HSD17B6: variants seen among roughly 807,000 people sequenced by gnomAD.
HSD17B6 encodes hydroxysteroid 17-beta dehydrogenase 6.
In HSD17B6, 16 loss-of-function variants were observed where a neutral mutation model predicts 26.4. That is an observed-to-expected ratio of 0.61 (90% CI 0.41 to 0.92). The LOEUF is 0.92. HSD17B6 is among the 40% of genes least tolerant of loss of function. HSD17B6 has a pLI of 0.00. For synonymous variants in HSD17B6, 139 were observed against 153.0 expected (o/e 0.91, Z 0.68); for missense variants, 357 against 386.1 (o/e 0.92, Z 0.63).
rs200066250 is a variant in HSD17B6, at chr12:56,784,857, G to A, written c.577G>A (p.Glu193Lys). 5.0e-5 allele frequency: 80 copies of A among 1,612,974 alleles called. No individual in the cohort carries two copies. The highest frequency in any genetic ancestry group is 6.5e-5 in the Non-Finnish European group (77 of 1,179,780). The change falls in exon 4 of 5, where the codon GAG (glutamate) becomes AAG (lysine). Residue 193 changes from glutamate to lysine, a missense_variant. Physicochemically the swap from Glu to Lys is moderately conservative, Grantham distance 56. Transcript: ENST00000322165. ...VEAFSDILRR[E>K]IQHFGVKISI... ...ACTTGTGGGGTTTTATTTCAGGCGT[G>A]AGATTCAACATTTTGGGGTGAAAAT...
At position 56,787,540 on chromosome 12, in the gene HSD17B6, C is replaced by T. The variant is rs1222205188; in HGVS notation, c.*198C>T. 27 of 569,250 alleles carry T rather than the reference C, an allele frequency of 4.7e-5. No homozygotes were observed. In the Admixed American group the frequency reaches 8.7e-4, roughly 18 times the overall value. The allele number at this position is 569,250 out of a possible 1,614,324, so 35.3% of individuals were successfully genotyped here. A position where few individuals can be genotyped will look rare whatever the true frequency, so the allele number is the denominator to read the frequency against. ...TACCACTTTAGGTGATGAATCTTTA[C>T]TATTTTAGCCCTTTTTTGATGAGAC... is the stretch of plus-strand genomic sequence containing the variant. On this transcript the variant is annotated 3_prime_UTR_variant, in exon 5 of 5. Coordinates refer to ENST00000322165, the MANE Select transcript of HSD17B6 (RefSeq NM_003725.4).
intron 4 of HSD17B6, chr12:56,785,935 A>G: frequency 1.0e-6 from 1 of 985,212 alleles, no homozygotes; most frequent in Non-Finnish European, 1.2e-6. Context: ...GGATTTGTCA[A>G]TTTCCTATAA....
intron 4 of HSD17B6, among the ~76,000 whole-genome samples, chr12:56,785,660 G>A (rs1954859493): frequency 6.6e-6 from 1 of 152,246 alleles, no homozygotes; most frequent in Non-Finnish European, 1.5e-5. Flanking sequence ...TACATACTTA[G>A]AGGCATGGAC....
chr12:56,780,840 CAAAAAAAAAAA>C (rs59227954), intron 2 of HSD17B6, among the ~76,000 whole-genome samples: 1 of 64,126 alleles, frequency 1.6e-5, no homozygotes, highest in African/African-American at 5.8e-5. Flanking sequence ...GACTCCGTCT[CAAAAAAAAAAA>C]AAAAAAAAAA....
chr12:56,773,744 C>A, intron 1 of HSD17B6, 90 bp from the exon 2 acceptor site: 1 of 1,211,426 alleles, frequency 8.3e-7, no homozygotes, highest in Non-Finnish European at 1.1e-6. Context: ...TCCCTATCAC[C>A]TAGTGCAATG....
At position 56,787,596 on chromosome 12, in the gene HSD17B6, C is replaced by T; in HGVS notation, c.*254C>T. 1 of 447,310 alleles carries T rather than the reference C, an allele frequency of 2.2e-6. No individual in the cohort carries two copies. Among genetic ancestry groups the T allele is most frequent in the South Asian group, 2.8e-5 (1 of 35,306 alleles). 27.7% of individuals were successfully genotyped at this position (447,310 alleles called of 1,614,324 possible). A position where few individuals can be genotyped will look rare whatever the true frequency, so the allele number is the denominator to read the frequency against. ...GTCTAAAGTGAATCATTTGTTCTTGCCTTATTAAACAGAGTAGATGGAAAA... is the reference window on the plus strand; with the variant it reads ...GTCTAAAGTGAATCATTTGTTCTTGTCTTATTAAACAGAGTAGATGGAAAA... On this transcript the variant is annotated 3_prime_UTR_variant, in exon 5 of 5. Coordinates refer to ENST00000322165, the MANE Select transcript of HSD17B6 (RefSeq NM_003725.4).
chr12:56,773,266 C>T (rs568708729), intron 1 of HSD17B6, among the ~76,000 whole-genome samples: 1 of 152,314 alleles, frequency 6.6e-6, no homozygotes, highest in African/African-American at 2.4e-5. Context: ...AATCTGGCCA[C>T]CTGACTCTAG....
intron 2 of HSD17B6, among the ~76,000 whole-genome samples, chr12:56,774,391 T>C (rs111279230): frequency 1.3e-5 from 2 of 152,310 alleles, no homozygotes; most frequent in African/African-American, 4.8e-5. Context: ...CATAAAATAC[T>C]AAATACTTTG....
Position 56,787,339 on chromosome 12 carries a change from C to T in HSD17B6, c.951C>T (p.Val317=). The T allele has an allele frequency of 6.2e-7, 1 of 1,606,854 alleles. No homozygotes were observed. The highest frequency in any genetic ancestry group is 8.5e-7 in the Non-Finnish European group (1 of 1,174,176). The change falls in exon 5 of 5, where the codon GTC becomes GTT. Residue 317 remains valine, a synonymous_variant. Coordinates refer to ENST00000322165, the MANE Select transcript of HSD17B6 (RefSeq NM_003725.4). ...TRSWPKPAQA[V] is the part of the protein sequence containing the mutation. ...CTTGGCCCAAACCAGCCCAGGCAGT[C>T]TAAAGAAAACTGGGTTGGTGCTTCT... is the stretch of plus-strand genomic sequence containing the variant.
intron 3 of HSD17B6, among the ~76,000 whole-genome samples, chr12:56,783,585 CG>C (rs1400107726): frequency 8.1e-6 from 1 of 122,816 alleles, no homozygotes; most frequent in Non-Finnish European, 1.7e-5. Flanking sequence ...GCTGGCCGGG[CG>C]GGGGCTGACC....
At position 56,787,421 on chromosome 12, in the gene HSD17B6, C is replaced by T; in HGVS notation, c.*79C>T. 1 of 909,798 alleles carries T rather than the reference C, an allele frequency of 1.1e-6. No homozygotes were observed. Among genetic ancestry groups the T allele is most frequent in the Non-Finnish European group, 1.7e-6 (1 of 587,604 alleles). The allele number at this position is 909,798 out of a possible 1,614,324, so 56.4% of individuals were successfully genotyped here. On this transcript the variant is annotated 3_prime_UTR_variant, in exon 5 of 5. Transcript: ENST00000322165. ...TGTCTCAGTAATCCTGATTTAGAAC[C>T]CAGGCTTTTTGTAACAATGTGTTTT...
intron 4 of HSD17B6, chr12:56,785,921 A>T: frequency 1.0e-6 from 1 of 983,880 alleles, no homozygotes; most frequent in Middle Eastern, 5.2e-4. Flanking sequence ...GCTTTGTGGG[A>T]GTGGGATTTG....
At position 56,787,309 on chromosome 12, in the gene HSD17B6, T is replaced by C; in HGVS notation, c.921T>C (p.Thr307=). The C allele has an allele frequency of 6.2e-7, 1 of 1,614,070 alleles. No individual in the cohort carries two copies. The highest frequency in any genetic ancestry group is 8.5e-7 in the Non-Finnish European group (1 of 1,179,942). The change falls in exon 5 of 5, where the codon ACT becomes ACC. Residue 307 remains threonine (T), a synonymous_variant. Transcript: ENST00000322165. ...LPTSLADYIL[T]RSWPKPAQAV ...CATCACTGGCAGACTACATTTTGAC[T>C]AGATCTTGGCCCAAACCAGCCCAGG...
intron 2 of HSD17B6, among the ~76,000 whole-genome samples, chr12:56,776,525 C>G (rs1166221067): frequency 6.6e-6 from 1 of 152,042 alleles, no homozygotes; most frequent in African/African-American, 2.4e-5. Context: ...CCAGGCTGGT[C>G]TTGAACTCCT....
chr12:56,770,611 AC>A (rs1954449314), intron 1 of HSD17B6: 1 of 152,168 alleles, frequency 6.6e-6, no homozygotes, highest in African/African-American at 2.4e-5. Context: ...AATTTATCTA[AC>A]ATTTATTAAG....
intron 1 of HSD17B6, among the ~76,000 whole-genome samples, 158 bp downstream of exon 1, chr12:56,763,572 G>T (rs1162825806): frequency 1.3e-5 from 2 of 151,828 alleles, no homozygotes; most frequent in African/African-American, 4.8e-5. Context: ...ATTCGTGAAA[G>T]AAATTTTGTC....
chr12:56,786,249 G>GTTTT (rs56722036), intron 4 of HSD17B6, among the ~76,000 whole-genome samples: 5 of 127,136 alleles, frequency 3.9e-5, no homozygotes, highest in Admixed American at 8.0e-5. Flanking sequence ...TAAGTTGTGT[G>GTTTT]TTTTTTTTTT....
At chr12:56,766,805 C>G (rs1954339507) in intron 1 of HSD17B6, among the ~76,000 whole-genome samples, 1 of 151,962 alleles carries the variant, frequency 6.6e-6, no homozygotes, top group African/African-American at 2.4e-5. Context: ...AGAGGAGGAG[C>G]TGGGAGGGGT....
At chr12:56,780,444 C>G (rs1467742653) in intron 2 of HSD17B6, among the ~76,000 whole-genome samples, 1 of 152,188 alleles carries the variant, frequency 6.6e-6, no homozygotes, top group Non-Finnish European at 1.5e-5. Flanking sequence ...TATACTGGTC[C>G]AAACAAGCAT....
Sources: allele counts gnomAD v4.1 joint callset (sites outside exome capture counted in the v4.1 genomes callset), GRCh38; gene constraint gnomAD v4.1.1; transcripts MANE v1.5; gene names NCBI Gene and HGNC (gene_info 2026-07-23, HGNC 2026-07-21).